The following PTPRG variants were observed in gnomAD, a reference collection of about 807,000 sequenced individuals.
PTPRG encodes receptor-type tyrosine-protein phosphatase gamma.
In PTPRG, 102 loss-of-function variants were observed where a neutral mutation model predicts 165.3. That is an observed-to-expected ratio of 0.62 (90% CI 0.53 to 0.73). The LOEUF (loss-of-function observed/expected upper bound fraction) is 0.73, where lower values mean the gene tolerates loss of function less well. Ranked by LOEUF, PTPRG falls within the 30% of genes least tolerant of loss-of-function variation. The pLI, the probability that PTPRG is intolerant of heterozygous loss-of-function variation, is 0.00. For synonymous variants in PTPRG, 675 were observed against 669.5 expected, an observed-to-expected ratio of 1.01 and a Z score of -0.13; for missense variants, 1,866 against 1,861.4, an observed-to-expected ratio of 1.00 and a Z score of -0.05.
At chr3:61,974,051 C>G (rs989384626) in intron 2 of PTPRG, among the ~76,000 whole-genome samples, 1 of 152,088 alleles carries the variant, frequency 6.6e-6, no homozygotes, top group African/African-American at 2.4e-5. Context: ...CAGAGCCATA[C>G]TCTAAGCCAA....
chr3:61,763,516 C>T (rs2033920907), intron 2 of PTPRG, among the ~76,000 whole-genome samples: 1 of 129,466 alleles, frequency 7.7e-6, no homozygotes, highest in African/African-American at 2.8e-5. Flanking sequence ...CAGACTCCTG[C>T]TACCACGCCC....
intron 4 of PTPRG, among the ~76,000 whole-genome samples, chr3:62,060,339 G>T (rs1158972927): frequency 6.6e-6 from 1 of 152,150 alleles, no homozygotes; most frequent in Admixed American, 6.6e-5. Context: ...ATCATTTAAT[G>T]GCTACTGGCT....
intron 12 of PTPRG, 46 bp from the exon 13 acceptor site, chr3:62,218,805 C>T (rs1447120218): frequency 6.3e-7 from 1 of 1,579,004 alleles, no homozygotes; most frequent in Non-Finnish European, 8.6e-7. Context: ...CTGGCTCCCA[C>T]CTCCACTAAC....
At chr3:61,901,433 A>G (rs2038495912) in intron 2 of PTPRG, among the ~76,000 whole-genome samples, 1 of 152,234 alleles carries the variant, frequency 6.6e-6, no homozygotes, top group African/African-American at 2.4e-5. Context: ...ATGCTAAGAA[A>G]GTATTATCAC....
At chr3:61,651,970 A>G (rs1004144630) in intron 1 of PTPRG, among the ~76,000 whole-genome samples, 1 of 151,756 alleles carries the variant, frequency 6.6e-6, no homozygotes, top group Non-Finnish European at 1.5e-5. Context: ...AGATCACACC[A>G]CTGCACTCCA....
chr3:62,055,143 A>G (rs969657033), intron 4 of PTPRG, among the ~76,000 whole-genome samples: 3 of 152,234 alleles, frequency 2.0e-5, no homozygotes, highest in African/African-American at 7.2e-5. Context: ...TTAAGGCCCA[A>G]TTATGTTTCA....
intron 1 of PTPRG, among the ~76,000 whole-genome samples, chr3:61,580,404 C>CA (rs1559510827): frequency 9.0e-5 from 12 of 133,158 alleles, no homozygotes; most frequent in African/African-American, 3.3e-4. Flanking sequence ...TTTTTTGAGA[C>CA]GGAGTCTTGC....
chr3:61,645,682 C>G (rs1173685216), intron 1 of PTPRG, among the ~76,000 whole-genome samples: 3 of 152,156 alleles, frequency 2.0e-5, no homozygotes, highest in Non-Finnish European at 4.4e-5. Context: ...GCTTTAGATC[C>G]TATGGACCAT....
intron 2 of PTPRG, among the ~76,000 whole-genome samples, chr3:61,948,562 T>C (rs1020065184): frequency 6.6e-6 from 1 of 152,172 alleles, no homozygotes; most frequent in African/African-American, 2.4e-5. Flanking sequence ...ATGGAGTGAT[T>C]GGTTGCTATA....
At chr3:61,934,095 G>A (rs774107002) in intron 2 of PTPRG, among the ~76,000 whole-genome samples, 2 of 152,206 alleles carry the variant, frequency 1.3e-5, no homozygotes, top group Non-Finnish European at 2.9e-5. Flanking sequence ...TCTACAGGGT[G>A]TTTAGACTTT....
At chr3:61,875,014 A>G (rs2037695158) in intron 2 of PTPRG, among the ~76,000 whole-genome samples, 1 of 152,226 alleles carries the variant, frequency 6.6e-6, no homozygotes, top group Non-Finnish European at 1.5e-5. Flanking sequence ...GAGCAGGAAC[A>G]GAAAGCTGTT....
chr3:61,683,528 G>C (rs976274412), intron 1 of PTPRG, among the ~76,000 whole-genome samples: 1 of 152,130 alleles, frequency 6.6e-6, no homozygotes, highest in Admixed American at 6.5e-5. Context: ...CCTCATCCTT[G>C]GGGTTACTTG....
chr3:62,096,640 T>A (rs1197766137), intron 5 of PTPRG, among the ~76,000 whole-genome samples: 1 of 152,188 alleles, frequency 6.6e-6, no homozygotes, highest in Non-Finnish European at 1.5e-5. Flanking sequence ...AACCTGTAAA[T>A]CCATAGATTG....
chr3:61,718,178 TAAAACAAAAC>T (rs942783417), intron 1 of PTPRG, among the ~76,000 whole-genome samples: 3 of 67,944 alleles, frequency 4.4e-5, no homozygotes, highest in African/African-American at 1.7e-4. Context: ...AGACCCTGTC[TAAAACAAAAC>T]AAAACAAAAC....
At chr3:61,686,746 C>A (rs1398515429) in intron 1 of PTPRG, among the ~76,000 whole-genome samples, 2 of 152,144 alleles carry the variant, frequency 1.3e-5, no homozygotes, top group Admixed American at 1.3e-4. Flanking sequence ...TGAACAGATA[C>A]ATATGTTTGT....
At chr3:62,249,403 G>T (rs1701359719) in intron 15 of PTPRG, among the ~76,000 whole-genome samples, 1 of 152,232 alleles carries the variant, frequency 6.6e-6, no homozygotes, top group Middle Eastern at 3.4e-3. Flanking sequence ...GAGCAGGGTG[G>T]AGGGAAGGGG....
intron 1 of PTPRG, among the ~76,000 whole-genome samples, chr3:61,613,805 T>C (rs1481405506): frequency 1.3e-5 from 2 of 152,198 alleles, no homozygotes; most frequent in African/African-American, 4.8e-5. Context: ...GTTGAAAGAA[T>C]TGTGAGGTGA....
rs1702971535 is a variant in PTPRG at position 62,293,498 on chromosome 3, TCA to T, written c.*196_*197del. 4.3e-6 allele frequency: 2 copies of T among 461,130 alleles called. No individual in the cohort carries two copies. Among genetic ancestry groups the T allele is most frequent in the African/African-American group, 2.0e-5 (1 of 49,810 alleles). The allele number at this position is 461,130 out of a possible 1,614,324, so 28.6% of individuals were successfully genotyped here. A position where few individuals can be genotyped will look rare whatever the true frequency, so the allele number is the denominator to read the frequency against. On this transcript the variant is annotated 3_prime_UTR_variant, in exon 30 of 30. Transcript: ENST00000474889. ...CTGAGCATTTGCACCTCTGTTCATT[TCA>T]CACAGTGAAACGCAATTTTACCTAG... is the stretch of plus-strand genomic sequence containing the variant.
chr3:61,756,242 G>A (rs556762285), intron 2 of PTPRG, among the ~76,000 whole-genome samples: 7 of 152,178 alleles, frequency 4.6e-5, no homozygotes, highest in African/African-American at 1.7e-4. Context: ...ACCTTTGTCT[G>A]TAATTAGTCA....
Sources: allele counts gnomAD v4.1 joint callset (sites outside exome capture counted in the v4.1 genomes callset), GRCh38; gene constraint gnomAD v4.1.1; transcripts MANE v1.5; gene names NCBI Gene and HGNC (gene_info 2026-07-23, HGNC 2026-07-21).